COQ2: variants seen among roughly 807,000 people sequenced by gnomAD.
The protein encoded by COQ2 is 4-hydroxybenzoate polyprenyltransferase, mitochondrial.
COQ2 carries 25 observed loss-of-function variants against 35.7 expected under a neutral mutation model. That is an observed-to-expected ratio of 0.70 (90% confidence interval 0.51 to 0.98). The LOEUF (loss-of-function observed/expected upper bound fraction) is 0.98, where lower values mean the gene tolerates loss of function less well. Among genes scored for constraint, COQ2 ranks in the 50% least tolerant of loss-of-function variants. The pLI is 0.00. For missense variants in COQ2, 488 were observed against 473.5 expected, an observed-to-expected ratio of 1.03 and a Z score of -0.28; for synonymous variants, 206 against 186.2, an observed-to-expected ratio of 1.11 and a Z score of -0.86.
At position 83,269,777 on chromosome 4, in the gene COQ2, T is replaced by C. The variant is rs1275356534; in HGVS notation, c.762+83A>G. 4 of 1,187,398 alleles carry C rather than the reference T, an allele frequency of 3.4e-6. No homozygotes were observed. In the African/African-American group the frequency reaches 6.5e-5, roughly 19 times the overall value. 73.6% of individuals were successfully genotyped at this position (1,187,398 alleles called of 1,614,324 possible). A position where few individuals can be genotyped will look rare whatever the true frequency, so the allele number is the denominator to read the frequency against. The stretch of plus-strand genomic sequence containing the variant: ...GTTCTTAAAAAACAACAACAAATTT[T>C]AGAAAAAAATGCTTTCTCCTTAATT... On this transcript the variant is annotated intron_variant, in intron 5 of 6. Transcript: ENST00000647002.
At chr4:83,280,150 A>G (rs1735285572) in intron 1 of COQ2, among the ~76,000 whole-genome samples, 1 of 152,192 alleles carries the variant, frequency 6.6e-6, no homozygotes, top group Admixed American at 6.5e-5. Context: ...CTTTGCAGCT[A>G]CATGTACAAA....
At chr4:83,274,512 G>A (rs1346948609) in intron 2 of COQ2, among the ~76,000 whole-genome samples, 3 of 151,092 alleles carry the variant, frequency 2.0e-5, no homozygotes, top group South Asian at 2.1e-4. Context: ...TCTTCTTAAC[G>A]GGGTCCTTAA....
chr4:83,275,901 G>C (rs2126174288), intron 2 of COQ2, among the ~76,000 whole-genome samples: 2 of 150,950 alleles, frequency 1.3e-5, no homozygotes, highest in South Asian at 4.1e-4. Flanking sequence ...CTTATACTAA[G>C]CTACAAATTT....
rs963450619 is a variant in COQ2 at position 83,263,891 on chromosome 4, G to A, written c.*308C>T. ...TTTTCTTATACAGACATTCATTTATGTAAGACCCACATCAGGCTTTTTCTA... is the reference window on the plus strand; with the variant it reads ...TTTTCTTATACAGACATTCATTTATATAAGACCCACATCAGGCTTTTTCTA... On this transcript the variant is annotated 3_prime_UTR_variant, in exon 7 of 7. Coordinates refer to ENST00000647002, the MANE Select transcript of COQ2 (RefSeq NM_001358921.2). 4 of 177,674 alleles carry A rather than the reference G, an allele frequency of 2.3e-5. No individual in the cohort carries two copies. The highest frequency in any genetic ancestry group is 7.2e-5 in the African/African-American group (3 of 41,866). The allele number at this position is 177,674 out of a possible 1,614,324, so 11.0% of individuals were successfully genotyped here. A position where few individuals can be genotyped will look rare whatever the true frequency, so the allele number is the denominator to read the frequency against.
At position 83,273,630 on chromosome 4, in the gene COQ2, A is replaced by G. The variant is rs1468667359; in HGVS notation, c.421-13T>C. 4 of 1,612,072 alleles carry G rather than the reference A, an allele frequency of 2.5e-6. No individual in the cohort carries two copies. Among genetic ancestry groups the G allele is most frequent in the African/African-American group, 1.3e-5 (1 of 74,898 alleles). On this transcript the variant is annotated splice_polypyrimidine_tract_variant and intron_variant, in intron 2 of 6. Transcript: ENST00000647002. ...CTGTTCTTGTAACCTTAAAACATAA[A>G]AACAGATACCTTAGCTTCATGTAAT...
At chr4:83,269,790 T>A in intron 5 of COQ2, 70 bp downstream of exon 5, 1 of 1,257,510 alleles carries the variant, frequency 8.0e-7, no homozygotes, top group Non-Finnish European at 1.1e-6. Context: ...AAAAAAATGC[T>A]TTCTCCTTAA....
At chr4:83,270,531 G>A (rs1051113747) in intron 4 of COQ2, among the ~76,000 whole-genome samples, 3 of 152,138 alleles carry the variant, frequency 2.0e-5, no homozygotes, top group Non-Finnish European at 4.4e-5. Context: ...ACTCTCCTAA[G>A]CTCCAGACTG....
chr4:83,272,643 C>T (rs922866747), intron 3 of COQ2, among the ~76,000 whole-genome samples: 3 of 152,192 alleles, frequency 2.0e-5, no homozygotes, highest in African/African-American at 7.2e-5. Flanking sequence ...CTATCAACCA[C>T]CAAATGTTAA....
intron 1 of COQ2, chr4:83,284,295 C>T: frequency 1.0e-6 from 1 of 985,268 alleles, no homozygotes. Context: ...CGCCCCAGGG[C>T]GCACGGCAGC....
At position 83,284,716 on chromosome 4, in the gene COQ2, C is replaced by T. The variant is rs746148600; in HGVS notation, c.49G>A (p.Ala17Thr). ...AGFARGLRAV[A>T]LAWLPGWRGR... ...CGCCAGCCCGGCAGCCACGCCAGTG[C>T]CACAGCCCGCAGGCCCCGCGCGAAC... Residue 17 changes from alanine (A) to threonine (T), a missense_variant, in exon 1 of 7, where the codon GCA becomes ACA. Ala to Thr is a moderately conservative substitution (Grantham distance 58). Transcript: ENST00000647002. 1.3e-6 allele frequency: 2 copies of T among 1,507,484 alleles called. No homozygotes were observed. The highest frequency in any genetic ancestry group is 5.5e-5 in the East Asian group (2 of 36,658). The allele number at this position is 1,507,484 out of a possible 1,614,324, so 93.4% of individuals were successfully genotyped here.
intron 2 of COQ2, among the ~76,000 whole-genome samples, chr4:83,278,484 AAGG>A (rs1170037587): frequency 6.6e-6 from 1 of 152,226 alleles, no homozygotes; most frequent in Non-Finnish European, 1.5e-5. Context: ...TTATTTTTCT[AAGG>A]AGAAAAAATG....
chr4:83,272,441 A>G (rs1185010037), intron 3 of COQ2, among the ~76,000 whole-genome samples: 1 of 152,236 alleles, frequency 6.6e-6, no homozygotes, highest in Non-Finnish European at 1.5e-5. Flanking sequence ...AGTGAATCAC[A>G]CTTGTTAATT....
chr4:83,272,894 T>C (rs182219183), intron 3 of COQ2, among the ~76,000 whole-genome samples: 162 of 152,334 alleles, frequency 1.1e-3, no homozygotes, highest in Admixed American at 0.01. Context: ...TGTCATGTAA[T>C]TGATGCTATC....
At position 83,265,956 on chromosome 4, in the gene COQ2, C is replaced by T. The variant is rs140740524; in HGVS notation, c.952-1593G>A. Among the ~76,000 whole-genome samples, 42 of 152,254 alleles carry T rather than the reference C, an allele frequency of 2.8e-4. No homozygotes were observed. In the East Asian group the frequency reaches 6.6e-3, roughly 24 times the overall value. ...TTGGGATTACAGGCGTGAGCCACTG[C>T]GCCTGGCCGAATATTCCTTATAGTA... On this transcript the variant is annotated intron_variant, in intron 6 of 6. Transcript: ENST00000647002.
Position 83,284,553 on chromosome 4 carries a change from A to AG in COQ2, c.211dup (p.Leu71ProfsTer32). On this transcript the variant is annotated frameshift_variant, in exon 1 of 7. Coordinates refer to ENST00000647002, the MANE Select transcript of COQ2 (RefSeq NM_001358921.2). LOFTEE classifies it high-confidence loss of function. ...CCGCATGAGGCGCAAGTACGGCTGC[A>AG]GGGGGCGGGGCGCAGAGTCCACCAC... The AG allele has an allele frequency of 1.3e-6, 2 of 1,570,772 alleles. No homozygotes were observed. The highest frequency in any genetic ancestry group is 1.7e-6 in the Non-Finnish European group (2 of 1,159,944).
chr4:83,265,023 C>T (rs1277548030), intron 6 of COQ2, among the ~76,000 whole-genome samples: 1 of 152,200 alleles, frequency 6.6e-6, no homozygotes, highest in African/African-American at 2.4e-5. Context: ...CTAAATCTCT[C>T]CTGTTCAGGG....
intron 5 of COQ2, among the ~76,000 whole-genome samples, chr4:83,269,438 T>C (rs1453627217): frequency 1.3e-5 from 2 of 152,196 alleles, no homozygotes; most frequent in Admixed American, 6.5e-5. Context: ...CTCTGAACAC[T>C]GGGTTTGAAT....
At chr4:83,282,586 T>A in intron 1 of COQ2, 1 of 927,782 alleles carries the variant, frequency 1.1e-6, no homozygotes, top group Non-Finnish European at 1.3e-6. Context: ...ACACAATCTG[T>A]AAGTACAATT....
At chr4:83,267,973 T>C (rs1487707731) in intron 5 of COQ2, among the ~76,000 whole-genome samples, 199 bp from the exon 6 acceptor site, 1 of 152,098 alleles carries the variant, frequency 6.6e-6, no homozygotes, top group African/African-American at 2.4e-5. Context: ...TGACAGTAAC[T>C]CAGAAACAGG....
Sources: allele counts gnomAD v4.1 joint callset (sites outside exome capture counted in the v4.1 genomes callset), GRCh38; gene constraint gnomAD v4.1.1; transcripts MANE v1.5; gene names NCBI Gene and HGNC (gene_info 2026-07-23, HGNC 2026-07-21).